Variants in LAMB1 observed in about 807,000 individuals in gnomAD.
LAMB1 encodes the protein laminin subunit beta 1.
In LAMB1, 121 loss-of-function variants were observed where a neutral mutation model predicts 222.3. The observed-to-expected ratio is 0.54, with a 90% CI of 0.47 to 0.63. LAMB1 has a LOEUF of 0.63. Among genes scored for constraint, LAMB1 ranks in the 30% least tolerant of loss-of-function variants. The pLI, the probability that LAMB1 is intolerant of heterozygous loss-of-function variation, is 0.00. For synonymous variants in LAMB1, 794 were observed against 807.2 expected, an observed-to-expected ratio of 0.98 and a Z score of 0.28; for missense variants, 2,172 against 2,240.8, an observed-to-expected ratio of 0.97 and a Z score of 0.62.
In LAMB1 at chr7:107,958,159, G is replaced by A. The variant is rs560439935; in HGVS notation, c.2690+1090C>T. On this transcript the variant is annotated intron_variant, in intron 20 of 33. Transcript: ENST00000222399. ...TCGTACTTATTCTCCATCTCTCTTT[G>A]AAAAAACAATAATGGAAAACGGCTG... is the stretch of plus-strand genomic sequence containing the variant. 1.9e-3 allele frequency among the ~76,000 whole-genome samples: 291 copies of A among 151,926 alleles called. 1 individual carries two copies. The highest frequency in any genetic ancestry group is 6.7e-3 in the African/African-American group (277 of 41,432).
At position 107,926,220 on chromosome 7, in the gene LAMB1, A is replaced by G. The variant is rs765588035; in HGVS notation, c.5027T>C (p.Val1676Ala). 1.9e-6 allele frequency: 3 copies of G among 1,613,932 alleles called. No individual in the cohort carries two copies. The highest frequency in any genetic ancestry group is 2.5e-6 in the Non-Finnish European group (3 of 1,179,826). Residue 1676 changes from valine (V) to alanine (A), a missense_variant, in exon 32 of 34, where the codon GTA becomes GCA. Coordinates refer to ENST00000222399, the MANE Select transcript of LAMB1 (RefSeq NM_002291.3). ...TTCTGCACTTTGCTTCACAGTATAT[A>G]CTACTTTTTCAATATATTCTGCCTC... ...SGEAEYIEKV[V>A]YTVKQSAEDV...
chr7:107,969,104 C>T (rs563800112), intron 13 of LAMB1, among the ~76,000 whole-genome samples: 187 of 152,010 alleles, frequency 1.2e-3, no homozygotes, highest in Non-Finnish European at 1.6e-3. Context: ...CTGGCTAACA[C>T]GGTGAAACCC....
In LAMB1 at chr7:107,953,651, G is replaced by A. The variant is rs146281063; in HGVS notation, c.2958C>T (p.Asp986=). 32 of 1,614,178 alleles carry A rather than the reference G, an allele frequency of 2.0e-5. No homozygotes were observed. The African/African-American group carries it at 3.7e-4, about 19-fold the overall frequency. Residue 986 remains aspartate (D), a synonymous_variant, in exon 22 of 34, where the codon GAC becomes GAT. Transcript: ENST00000222399. ...CQCHNNIDTT[D]PEACDKETGR... ...CAGTCTCCTTGTCACAGGCTTCTGG[G>A]TCTGTCGTGTCAATGTTGTTGTGAC... is the stretch of plus-strand genomic sequence containing the variant.
chr7:107,971,146 G>A (rs2033741001), intron 13 of LAMB1, among the ~76,000 whole-genome samples: 1 of 152,176 alleles, frequency 6.6e-6, no homozygotes, highest in South Asian at 2.1e-4. Context: ...ACATCTTAAA[G>A]CTTTTACCAC....
chr7:107,930,040 T>C (rs2032667625), intron 29 of LAMB1: 1 of 171,210 alleles, frequency 5.8e-6, no homozygotes, highest in Non-Finnish European at 1.3e-5. Flanking sequence ...AAGCTGAGAC[T>C]TAAAGGCAAT....
intron 4 of LAMB1, among the ~76,000 whole-genome samples, chr7:107,995,991 G>C (rs890304698): frequency 6.6e-5 from 10 of 152,192 alleles, no homozygotes; most frequent in Non-Finnish European, 1.3e-4. Context: ...ATATGAGTTA[G>C]CTGGAATGTT....
At chr7:107,960,295 T>A in intron 18 of LAMB1, 150 bp downstream of exon 18, 1 of 618,178 alleles carries the variant, frequency 1.6e-6, no homozygotes, top group Non-Finnish European at 2.9e-6. Context: ...AAATATTACT[T>A]AAAAAGATAA....
intron 24 of LAMB1, among the ~76,000 whole-genome samples, chr7:107,947,343 C>T (rs1444494868): frequency 2.0e-5 from 3 of 152,170 alleles, no homozygotes; most frequent in Admixed American, 6.5e-5. Flanking sequence ...AATTTATGCC[C>T]TCTAACAACC....
chr7:107,926,101 T>C (rs2032557022), intron 32 of LAMB1, 82 bp downstream of exon 32: 2 of 1,026,208 alleles, frequency 1.9e-6, no homozygotes, highest in South Asian at 2.9e-5. Flanking sequence ...GTTAGGTCCA[T>C]GTCCCTTACT....
At chr7:107,989,381 T>A (rs1031019649) in intron 5 of LAMB1, among the ~76,000 whole-genome samples, 10 of 152,190 alleles carry the variant, frequency 6.6e-5, no homozygotes, top group Non-Finnish European at 1.5e-4. Flanking sequence ...AAACCAACGC[T>A]TGACAGAAAT....
At chr7:107,970,365 G>A (rs1168626370) in intron 13 of LAMB1, among the ~76,000 whole-genome samples, 1 of 151,874 alleles carries the variant, frequency 6.6e-6, no homozygotes, top group African/African-American at 2.4e-5. Flanking sequence ...GCTGGTGCCT[G>A]TAGTCCCAAC....
At chr7:107,968,883 A>G (rs1296753466) in intron 13 of LAMB1, among the ~76,000 whole-genome samples, 1 of 152,160 alleles carries the variant, frequency 6.6e-6, no homozygotes. Context: ...AAAATAATAA[A>G]CTTATATTGT....
chr7:108,001,761 G>C lies in LAMB1; in HGVS notation c.38-28C>G, dbSNP rs112819389. 13 of 1,610,468 alleles carry C rather than the reference G, an allele frequency of 8.1e-6. No individual in the cohort carries two copies. In the African/African-American group the frequency reaches 1.5e-4, roughly 18 times the overall value. The stretch of plus-strand genomic sequence containing the variant: ...GCGGGAAGGACAGGCAACAGAGTTG[G>C]GGGGACACAAGCAGGGAGTGGAGCC... On this transcript the variant is annotated intron_variant, in intron 2 of 33. Transcript: ENST00000222399.
chr7:107,998,310 G>A lies in LAMB1; in HGVS notation c.349+47C>T, dbSNP rs780752131. On this transcript the variant is annotated intron_variant, in intron 4 of 33. Coordinates refer to ENST00000222399, the MANE Select transcript of LAMB1 (RefSeq NM_002291.3). ...CCAGGAACCTGTAAGCTCCACCCAA[G>A]TTATCAATCACACTCAACGGAACTT... 1.3e-5 allele frequency: 20 copies of A among 1,597,608 alleles called. No homozygotes were observed. In the Middle Eastern group the frequency reaches 6.7e-4, roughly 53 times the overall value.
At chr7:107,981,156 C>A (rs567238183) in intron 7 of LAMB1, among the ~76,000 whole-genome samples, 9 of 152,020 alleles carry the variant, frequency 5.9e-5, no homozygotes, top group African/African-American at 2.2e-4. Context: ...TAAAAAAATA[C>A]AAAAATTAGA....
In LAMB1 at chr7:107,950,552, TTTTG is replaced by T. The variant is rs771993464; in HGVS notation, c.3391+670_3391+673del. Among the ~76,000 whole-genome samples, 188 of 152,330 alleles carry T rather than the reference TTTTG, an allele frequency of 1.2e-3. 2 individuals are homozygous for T. The highest frequency in any genetic ancestry group is 8.2e-4 in the Non-Finnish European group (56 of 68,034). On this transcript the variant is annotated intron_variant, in intron 24 of 33. Transcript: ENST00000222399. ...GTAAGAAAATGTCATTTCCATCTTT[TTTTG>T]TTTGTTTGTTTAATCATAAGCTTAG...
At chr7:107,976,689 A>T (rs1431558774) in intron 9 of LAMB1, among the ~76,000 whole-genome samples, 1 of 152,012 alleles carries the variant, frequency 6.6e-6, no homozygotes, top group Non-Finnish European at 1.5e-5. Context: ...CTCTCAATAC[A>T]CTGGTTGAAG....
rs1336824437 is a variant in LAMB1 at position 107,999,685 on chromosome 7, T to A, written c.214-1193A>T. The A allele has an allele frequency of 1.0e-4, 10 of 95,392 alleles. No individual in the cohort carries two copies. In the East Asian group the frequency reaches 2.1e-3, roughly 20 times the overall value. The allele number at this position is 95,392 out of a possible 1,614,324, so 5.9% of individuals were successfully genotyped here. A position where few individuals can be genotyped will look rare whatever the true frequency, so the allele number is the denominator to read the frequency against. ...TGAGAAAAGCATATGTCCAGTCCCTTTCTTTAGGCCCTATCTGTGAAAAGC... is the reference window on the plus strand; with the variant it reads ...TGAGAAAAGCATATGTCCAGTCCCTATCTTTAGGCCCTATCTGTGAAAAGC... On this transcript the variant is annotated intron_variant, in intron 3 of 33. Coordinates refer to ENST00000222399, the MANE Select transcript of LAMB1 (RefSeq NM_002291.3).
In LAMB1 at chr7:107,929,172, A is replaced by G. The variant is rs775959916; in HGVS notation, c.4779T>C (p.Asp1593=). The change falls in exon 31 of 34, where the codon GAT becomes GAC. Residue 1593 remains aspartate (D), a synonymous_variant. Transcript: ENST00000222399. ...KSATDVKVTA[D]MVKEALEEAE... is the part of the protein sequence containing the mutation. ...CTTCTTCCAGAGCTTCCTTTACCAT[A>G]TCTGCAGTGACTTTAACATCTGTTG... 1 of 1,613,944 alleles carries G rather than the reference A, an allele frequency of 6.2e-7. No homozygotes were observed. Among genetic ancestry groups the G allele is most frequent in the Admixed American group, 1.7e-5 (1 of 59,996 alleles).
Sources: allele counts gnomAD v4.1 joint callset (sites outside exome capture counted in the v4.1 genomes callset), GRCh38; gene constraint gnomAD v4.1.1; transcripts MANE v1.5; gene names NCBI Gene and HGNC (gene_info 2026-07-23, HGNC 2026-07-21).